The following STK10 variants were observed in gnomAD, a reference collection of about 807,000 sequenced individuals.
The protein encoded by STK10 is serine/threonine-protein kinase 10.
In STK10, 78 loss-of-function variants were observed where a neutral mutation model predicts 113.8. That is an observed-to-expected ratio of 0.69 (90% confidence interval 0.57 to 0.83). The LOEUF (loss-of-function observed/expected upper bound fraction) is 0.83. STK10 is among the 40% of genes least tolerant of loss of function. The probability of loss-of-function intolerance (pLI) is 0.00; values close to 1 mark genes in which losing one functional copy is unlikely to be tolerated. For synonymous variants in STK10, 465 were observed against 494.7 expected (o/e 0.94, Z 0.80); for missense variants, 1,109 against 1,280.1 (o/e 0.87, Z 2.04).
intron 8 of STK10, among the ~76,000 whole-genome samples, chr5:172,095,310 C>A (rs1768823461): frequency 6.6e-6 from 1 of 152,188 alleles, no homozygotes; most frequent in South Asian, 2.1e-4. Context: ...ATACCCAGTC[C>A]CTGCCTGAAA....
chr5:172,104,793 A>G (rs1376693723), intron 7 of STK10, among the ~76,000 whole-genome samples: 2 of 152,212 alleles, frequency 1.3e-5, no homozygotes, highest in East Asian at 3.9e-4. Context: ...AATATGGCTT[A>G]GGTGGAATAC....
chr5:172,116,242 G>A (rs1439890910), intron 4 of STK10, among the ~76,000 whole-genome samples: 4 of 152,042 alleles, frequency 2.6e-5, no homozygotes, highest in African/African-American at 4.8e-5. Flanking sequence ...CACCACGCCC[G>A]GCTAATTTTT....
At chr5:172,183,612 C>T (rs115373235) in intron 1 of STK10, among the ~76,000 whole-genome samples, 22 of 152,126 alleles carry the variant, frequency 1.4e-4, no homozygotes, top group African/African-American at 4.3e-4. Flanking sequence ...TGCGCCACCA[C>T]GCCCAGCTAA....
In STK10 at chr5:172,082,387, C is replaced by T. The variant is rs143251398; in HGVS notation, c.1928G>A (p.Arg643His). The change falls in exon 12 of 19, where the codon CGC becomes CAC. Residue 643 changes from arginine (R) to histidine (H), a missense_variant. Around this residue, in one of 5 missense-constraint regions of STK10, gnomAD observed 885 missense variants for 991.1 expected, o/e 0.89. Transcript: ENST00000176763. The surrounding 1 kb of genome is among the most constrained non-coding windows in gnomAD (Gnocchi z 4.3). ...VRRREEARRIRLEQDRDYTRF... is the reference protein window; with the variant it reads ...VRRREEARRIHLEQDRDYTRF... ...GGTGTAGTCCCGATCCTGCTCCAGG[C>T]GGATCCGCCTGGCCTCCTCCCGGCG... 2.5e-4 allele frequency: 404 copies of T among 1,607,416 alleles called. No homozygotes were observed. The highest frequency in any genetic ancestry group is 7.7e-4 in the Admixed American group (45 of 58,618).
In STK10 at chr5:172,045,516, C is replaced by T. The variant is rs963096687; in HGVS notation, c.2767-494G>A. ...AAAACAAAAACAAAAACAAAATACA[C>T]GTGCCTTTGCCTAAACCCAGAGGTT... On this transcript the variant is annotated intron_variant, in intron 18 of 18. Transcript: ENST00000176763. The T allele has an allele frequency of 5.9e-5, 26 of 444,400 alleles. 1 individual carries two copies. The highest frequency in any genetic ancestry group is 3.8e-4 in the African/African-American group (19 of 49,352). The allele number at this position is 444,400 out of a possible 1,614,324, so 27.5% of individuals were successfully genotyped here. A position where few individuals can be genotyped will look rare whatever the true frequency, so the allele number is the denominator to read the frequency against.
intron 2 of STK10, among the ~76,000 whole-genome samples, chr5:172,146,635 C>G (rs972125454): frequency 2.6e-5 from 4 of 152,230 alleles, no homozygotes; most frequent in African/African-American, 9.6e-5. Context: ...CACACCCAGC[C>G]TGGCGCACAG....
intron 13 of STK10, chr5:172,063,706 G>C (rs957864394): frequency 6.6e-6 from 1 of 152,212 alleles, no homozygotes; most frequent in South Asian, 2.1e-4. Flanking sequence ...ACACAAGCTT[G>C]AGGCCTCGAC....
intron 1 of STK10, among the ~76,000 whole-genome samples, chr5:172,184,287 G>A (rs556475239): frequency 3.3e-5 from 5 of 152,238 alleles, no homozygotes; most frequent in South Asian, 2.1e-4. Context: ...TACCTACTTC[G>A]ACTTCAGGCA....
chr5:172,147,672 G>A (rs999467680), intron 2 of STK10, among the ~76,000 whole-genome samples: 4 of 152,142 alleles, frequency 2.6e-5, no homozygotes, highest in African/African-American at 4.8e-5. Context: ...GATTACAGGC[G>A]TGAGCCACTG....
intron 2 of STK10, among the ~76,000 whole-genome samples, chr5:172,145,532 C>A (rs770002259): frequency 8.5e-5 from 13 of 152,232 alleles, no homozygotes; most frequent in African/African-American, 2.9e-4. Context: ...AGGGAAGAAG[C>A]ACTTCCCTAA....
At chr5:172,134,948 T>G (rs1340550334) in intron 2 of STK10, among the ~76,000 whole-genome samples, 2 of 149,436 alleles carry the variant, frequency 1.3e-5, no homozygotes, top group Non-Finnish European at 3.0e-5. Context: ...AAAGAAAAAG[T>G]AACCCACAAA....
In STK10 at chr5:172,055,758, G is replaced by A. The variant is rs1294562808; in HGVS notation, c.2356C>T (p.Arg786Cys). 4 of 1,509,836 alleles carry A rather than the reference G, an allele frequency of 2.6e-6. No homozygotes were observed. Among genetic ancestry groups the A allele is most frequent in the East Asian group, 2.5e-5 (1 of 40,436 alleles). The allele number at this position is 1,509,836 out of a possible 1,614,324, so 93.5% of individuals were successfully genotyped here. ...TGCTCTATCATGCGCTGGTTGTAGC[G>A]CTGCATCTGCTCCCGCTCCTGGAGA... is the stretch of plus-strand genomic sequence containing the variant. ...KHEKEREQMQRYNQRMIEQLK... is the reference protein window; with the variant it reads ...KHEKEREQMQCYNQRMIEQLK... The change falls in exon 16 of 19, where the codon CGC becomes TGC. Residue 786 changes from arginine to cysteine, a missense_variant. Coordinates refer to ENST00000176763, the MANE Select transcript of STK10 (RefSeq NM_005990.4).
intron 12 of STK10, among the ~76,000 whole-genome samples, chr5:172,079,441 C>T (rs560457796): frequency 3.9e-5 from 6 of 152,238 alleles, no homozygotes; most frequent in Middle Eastern, 3.4e-3. Context: ...TATATGCTTC[C>T]CTAGCATGTT....
chr5:172,060,815 G>A (rs111704573), intron 14 of STK10, among the ~76,000 whole-genome samples: 1,619 of 152,314 alleles, frequency 0.011, 32 homozygotes, highest in African/African-American at 0.037. Context: ...CTGGCACATG[G>A]CCTGGCAGAG....
At chr5:172,115,228 T>A (rs1441041600) in intron 4 of STK10, 1 of 152,390 alleles carries the variant, frequency 6.6e-6, no homozygotes, top group African/African-American at 2.4e-5. Context: ...TGCCTGGGCC[T>A]CACTGATTGG....
chr5:172,116,226 G>A (rs542445995), intron 4 of STK10, among the ~76,000 whole-genome samples: 4 of 152,102 alleles, frequency 2.6e-5, no homozygotes, highest in Non-Finnish European at 5.9e-5. Context: ...GAATACAGGC[G>A]TGTGCCACCA....
chr5:172,073,629 T>A (rs766023786), intron 12 of STK10, among the ~76,000 whole-genome samples: 1 of 151,840 alleles, frequency 6.6e-6, no homozygotes. Context: ...GTATGTTGCA[T>A]AACAGCACCA....
At chr5:172,153,318 A>AGAGAGAGAGAGAGAGAGAGAG (rs1561828316) in intron 2 of STK10, among the ~76,000 whole-genome samples, 2 of 119,770 alleles carry the variant, frequency 1.7e-5, no homozygotes, top group African/African-American at 7.6e-5. Context: ...GAAAGAAAGA[A>AGAGAGAGAGAGAGAGAGAGAG]AGAAAGAAAT....
In STK10 at chr5:172,120,993, T is replaced by C. The variant is rs1769498928; in HGVS notation, c.371-3363A>G. ...CCAGTGAGGTGGGAAGGAGATACTC[T>C]TTAATTTTGTTTTTTGTTGTTGTTG... is the stretch of plus-strand genomic sequence containing the variant. On this transcript the variant is annotated intron_variant, in intron 3 of 18. Transcript: ENST00000176763. The surrounding 1 kb of genome is among the most constrained non-coding windows in gnomAD (Gnocchi z 4.0). Among the ~76,000 whole-genome samples the C allele has an allele frequency of 6.6e-6, 1 of 151,968 alleles. No homozygotes were observed. Among genetic ancestry groups the C allele is most frequent in the South Asian group, 2.1e-4 (1 of 4,812 alleles).
Sources: allele counts gnomAD v4.1 joint callset (sites outside exome capture counted in the v4.1 genomes callset), GRCh38; gene constraint gnomAD v4.1.1; regional missense constraint gnomAD v4.1.1; non-coding constraint Gnocchi (gnomAD v3.1); transcripts MANE v1.5; gene names NCBI Gene and HGNC (gene_info 2026-07-23, HGNC 2026-07-21).